DHX57: variants seen among roughly 807,000 people sequenced by gnomAD.
The protein encoded by DHX57 is putative ATP-dependent RNA helicase DHX57.
In DHX57, 105 loss-of-function variants were observed where a neutral mutation model predicts 156.2. That is an observed-to-expected ratio of 0.67 (90% CI 0.57 to 0.79). The LOEUF (loss-of-function observed/expected upper bound fraction) is 0.79, where lower values mean the gene tolerates loss of function less well. Among genes scored for constraint, DHX57 ranks in the 30% least tolerant of loss-of-function variants. The probability of loss-of-function intolerance (pLI) is 0.00; values close to 1 mark genes in which losing one functional copy is unlikely to be tolerated. For missense variants in DHX57, 1,847 were observed against 1,661.9 expected (o/e 1.11, Z -1.94); for synonymous variants, 704 against 595.6 (o/e 1.18, Z -2.65).
intron 22 of DHX57, among the ~76,000 whole-genome samples, chr2:38,805,460 A>G (rs1669893786): frequency 2.0e-5 from 3 of 152,230 alleles, no homozygotes; most frequent in African/African-American, 7.2e-5. Context: ...TTCTGGCAGC[A>G]GTAGAGTAGT....
intron 7 of DHX57, among the ~76,000 whole-genome samples, chr2:38,855,885 C>G (rs1558397402): frequency 6.6e-6 from 1 of 152,072 alleles, no homozygotes; most frequent in Admixed American, 6.6e-5. Context: ...TCACTTGAGG[C>G]CAGGAGTTCG....
intron 17 of DHX57, among the ~76,000 whole-genome samples, chr2:38,819,750 C>T (rs990749352): frequency 2.0e-5 from 3 of 152,176 alleles, no homozygotes; most frequent in Non-Finnish European, 2.9e-5. Context: ...ATTCTGTTAT[C>T]TGGGTTCTTT....
At chr2:38,842,106 C>T (rs76281927) in intron 12 of DHX57, among the ~76,000 whole-genome samples, 2,143 of 152,268 alleles carry the variant, frequency 0.014, 30 homozygotes, top group African/African-American at 0.045. Context: ...GCCAACACCA[C>T]GGGGCCCATG....
rs372550788 is a variant in DHX57, at chr2:38,843,137, G to A, written c.2293C>T (p.Arg765Trp). The A allele has an allele frequency of 3.0e-5, 49 of 1,614,158 alleles. No individual in the cohort carries two copies. Among genetic ancestry groups the A allele is most frequent in the East Asian group, 6.7e-5 (3 of 44,884 alleles). The change falls in exon 12 of 24, where the codon CGG becomes TGG. Residue 765 changes from arginine to tryptophan, a missense_variant. Physicochemically the swap from Arg to Trp is moderately radical, Grantham distance 101. Coordinates refer to ENST00000457308, the MANE Select transcript of DHX57 (RefSeq NM_198963.3). ...QISKEKLKAR[R>W]NRTAFEEVEE... ...ACTTCTTCAAATGCAGTTCTGTTCC[G>A]CCTTGCTTTAAGCTTTTCCTTTGAA...
intron 23 of DHX57, among the ~76,000 whole-genome samples, chr2:38,799,750 C>CAAAAAAA (rs34097778): frequency 1.0e-5 from 1 of 99,114 alleles, no homozygotes. Flanking sequence ...AACTCCATCT[C>CAAAAAAA]AAAAAAAAAA....
intron 11 of DHX57, among the ~76,000 whole-genome samples, chr2:38,844,050 A>C (rs546202141): frequency 6.6e-6 from 1 of 152,344 alleles, no homozygotes; most frequent in African/African-American, 2.4e-5. Context: ...TTTTAAAAAA[A>C]AGATTTAAAA....
At position 38,854,054 on chromosome 2, in the gene DHX57, C is replaced by T; in HGVS notation, c.2030G>A (p.Ser677Asn). The T allele has an allele frequency of 6.2e-7, 1 of 1,605,296 alleles. No individual in the cohort carries two copies. Among genetic ancestry groups the T allele is most frequent in the Non-Finnish European group, 8.5e-7 (1 of 1,175,982 alleles). ...VDEVHERTEE[S>N]DFLLLVLKDI... The stretch of plus-strand genomic sequence containing the variant: ...TTCCCTGGGAAAGTCTTTGTTTTAC[C>T]TTTCTTCTGTCCTCTCATGAACTTC... The change falls in exon 9 of 24, where the codon AGT becomes AAT. Residue 677 changes from serine to asparagine, a missense_variant and splice_region_variant. Coordinates refer to ENST00000457308, the MANE Select transcript of DHX57 (RefSeq NM_198963.3).
At chr2:38,811,722 G>C in intron 21 of DHX57, 1 of 652,286 alleles carries the variant, frequency 1.5e-6, no homozygotes, top group Non-Finnish European at 2.6e-6. Context: ...TGAACCACTC[G>C]GGGCCTGGGG....
intron 6 of DHX57, among the ~76,000 whole-genome samples, chr2:38,857,779 CT>C (rs1359086014): frequency 6.6e-6 from 1 of 152,234 alleles, no homozygotes; most frequent in Non-Finnish European, 1.5e-5. Flanking sequence ...ACAGAATTGG[CT>C]AAACCACTTA....
intron 20 of DHX57, among the ~76,000 whole-genome samples, chr2:38,815,284 C>T (rs540331672): frequency 2.0e-5 from 3 of 151,900 alleles, no homozygotes; most frequent in South Asian, 2.1e-4. Context: ...TGGCTGGTCT[C>T]GAACTCCTGA....
intron 6 of DHX57, among the ~76,000 whole-genome samples, 153 bp downstream of exon 6, chr2:38,858,508 C>T (rs985233744): frequency 6.6e-6 from 1 of 152,180 alleles, no homozygotes; most frequent in Non-Finnish European, 1.5e-5. Flanking sequence ...AGCATATGCA[C>T]TTAAGTTTGC....
rs761247318 is a variant in DHX57, at chr2:38,843,202, A to T, written c.2228T>A (p.Leu743Ter). The change falls in exon 12 of 24, where the codon TTA becomes TAA. Residue 743 changes from leucine to a stop codon, truncating the protein, a stop_gained. Transcript: ENST00000457308. LOFTEE classifies it high-confidence loss of function. ...CCGCATATATGGGCTCCCATCCTGT[A>T]ATACATACCTGAGAAAGACAAAGGA... is the stretch of plus-strand genomic sequence containing the variant. ...EDAIAVTRYV[L>*]QDGSPYMRSM... is the part of the protein sequence containing the mutation. The T allele has an allele frequency of 6.2e-7, 1 of 1,613,976 alleles. No homozygotes were observed. The highest frequency in any genetic ancestry group is 8.5e-7 in the Non-Finnish European group (1 of 1,179,956).
chr2:38,800,875 C>G (rs529431885), intron 23 of DHX57, among the ~76,000 whole-genome samples: 1 of 152,198 alleles, frequency 6.6e-6, no homozygotes, highest in African/African-American at 2.4e-5. Context: ...GAAATGTGGC[C>G]AGCCCAAACT....
chr2:38,855,310 G>C (rs1221252546), intron 7 of DHX57, 58 bp from the exon 8 acceptor site: 1 of 1,522,800 alleles, frequency 6.6e-7, no homozygotes, highest in African/African-American at 1.4e-5. Flanking sequence ...GTTAACTAAA[G>C]AAGCAATCAT....
intron 12 of DHX57, among the ~76,000 whole-genome samples, chr2:38,841,732 G>C (rs58080550): frequency 6.6e-6 from 1 of 152,306 alleles, no homozygotes; most frequent in East Asian, 1.9e-4. Flanking sequence ...CCTGCTTGTA[G>C]TCTAGGCTTC....
At chr2:38,835,406 G>A (rs967448581) in intron 13 of DHX57, among the ~76,000 whole-genome samples, 6 of 152,184 alleles carry the variant, frequency 3.9e-5, no homozygotes, top group Non-Finnish European at 7.4e-5. Context: ...GGTTGTACAA[G>A]AAAGGCTGGC....
At chr2:38,846,915 G>T in intron 11 of DHX57, 104 bp downstream of exon 11, 2 of 852,148 alleles carry the variant, frequency 2.3e-6, no homozygotes, top group Non-Finnish European at 3.7e-6. Flanking sequence ...TCTTGAACTG[G>T]CCCCAAAAGA....
Position 38,863,361 on chromosome 2 carries a change from T to C in DHX57, c.383A>G (p.Glu128Gly). The C allele has an allele frequency of 6.2e-7, 1 of 1,605,896 alleles. No individual in the cohort carries two copies. Among genetic ancestry groups the C allele is most frequent in the Admixed American group, 1.7e-5 (1 of 57,164 alleles). The change falls in exon 3 of 24, where the codon GAA becomes GGA. Residue 128 changes from glutamate (E) to glycine (G), a missense_variant and splice_region_variant. Transcript: ENST00000457308. ...AATTGACTCAAATAAAACAATTTAC[T>C]CAGATCCAGCATCAGCATCTTGTTC... The part of the protein sequence containing the change: ...LQEQDADAGS[E>G]RGLSGEEEDD...
chr2:38,807,560 T>A (rs1670016967), intron 21 of DHX57, among the ~76,000 whole-genome samples: 1 of 152,016 alleles, frequency 6.6e-6, no homozygotes, highest in Non-Finnish European at 1.5e-5. Flanking sequence ...GGTTTCACCA[T>A]GTTAGCCAGG....
Sources: allele counts gnomAD v4.1 joint callset (sites outside exome capture counted in the v4.1 genomes callset), GRCh38; gene constraint gnomAD v4.1.1; transcripts MANE v1.5; gene names NCBI Gene and HGNC (gene_info 2026-07-23, HGNC 2026-07-21).